The following CCN4 variants were observed in gnomAD, a reference collection of about 807,000 sequenced individuals.
CCN4 encodes the protein cellular communication network factor 4.
In CCN4, 30 loss-of-function variants were observed where a neutral mutation model predicts 36.7. The observed-to-expected ratio is 0.82, with a 90% CI of 0.61 to 1.11. CCN4 has a LOEUF of 1.11. CCN4 is among the 50% of genes least tolerant of loss of function. CCN4 has a pLI of 0.00. For missense variants in CCN4, 505 were observed against 504.9 expected (o/e 1.00, Z 0.00); for synonymous variants, 191 against 195.4 (o/e 0.98, Z 0.19).
In CCN4 at chr8:133,225,510, A is replaced by T. The variant is rs1453007212; in HGVS notation, c.731A>T (p.Gln244Leu). ...ACTCGGATCTCCAATGTTAACGCCC[A>T]GTGCTGGCCTGAGCAAGAGAGCCGC... ...VSTRISNVNA[Q>L]CWPEQESRLC... is the part of the protein sequence containing the mutation. Residue 244 changes from glutamine (Q) to leucine (L), a missense_variant, in exon 4 of 5, where the codon CAG becomes CTG. Physicochemically the swap from Gln to Leu is moderately radical, Grantham distance 113. Transcript: ENST00000250160. 1.9e-6 allele frequency: 3 copies of T among 1,614,042 alleles called. No homozygotes were observed. In the Admixed American group the frequency reaches 5.0e-5, roughly 27 times the overall value.
intron 1 of CCN4, among the ~76,000 whole-genome samples, chr8:133,194,595 GGTGT>G (rs1344532569): frequency 1.6e-5 from 2 of 123,920 alleles, no homozygotes; most frequent in African/African-American, 3.1e-5. Context: ...GGGTGTGTGG[GGTGT>G]GTGTGTGTGG....
chr8:133,198,825 C>T (rs368809586), intron 1 of CCN4, among the ~76,000 whole-genome samples: 33 of 152,314 alleles, frequency 2.2e-4, no homozygotes, highest in African/African-American at 7.2e-4. Context: ...AGCCCTTTGT[C>T]GCTTCCTGAC....
At chr8:133,213,288 G>A in intron 2 of CCN4, 145 bp downstream of exon 2, 1 of 1,041,520 alleles carries the variant, frequency 9.6e-7, no homozygotes. Context: ...AGAGGCCAGA[G>A]GCTGGGTCCT....
intron 3 of CCN4, among the ~76,000 whole-genome samples, chr8:133,223,883 C>T (rs1854624740): frequency 6.6e-6 from 1 of 152,136 alleles, no homozygotes. Flanking sequence ...TTCCGTTTTT[C>T]AGATAGTTAG....
At position 133,222,001 on chromosome 8, in the gene CCN4, G is replaced by A. The variant is rs1342843701; in HGVS notation, c.610+1160G>A. On this transcript the variant is annotated intron_variant, in intron 3 of 4. Coordinates refer to ENST00000250160, the MANE Select transcript of CCN4 (RefSeq NM_003882.4). ...GGATGGATGAATGGATGGATGGATG[G>A]ATGAATGGATGAACTGAATGGATGG... 2.0e-5 allele frequency among the ~76,000 whole-genome samples: 3 copies of A among 151,880 alleles called. 1 individual carries two copies. Among genetic ancestry groups the A allele is most frequent in the Non-Finnish European group, 4.4e-5 (3 of 67,940 alleles).
chr8:133,197,637 G>C (rs565676038), intron 1 of CCN4, among the ~76,000 whole-genome samples: 1 of 152,154 alleles, frequency 6.6e-6, no homozygotes, highest in African/African-American at 2.4e-5. Context: ...AAATGTGAAC[G>C]ATGGGCATTC....
At chr8:133,213,314 G>A (rs904269515) in intron 2 of CCN4, among the ~76,000 whole-genome samples, 171 bp downstream of exon 2, 4 of 151,768 alleles carry the variant, frequency 2.6e-5, no homozygotes, top group Admixed American at 2.0e-4. Flanking sequence ...GGAAGGGGAG[G>A]CAAGGATGCC....
At position 133,210,348 on chromosome 8, in the gene CCN4, C is replaced by T. The variant is rs184751621; in HGVS notation, c.70-2516C>T. The stretch of plus-strand genomic sequence containing the variant: ...GCTCTGAGGCTTCTAGAATCATGGC[C>T]TAACAAGGAAATGTCTCTCCCCAAA... On this transcript the variant is annotated intron_variant, in intron 1 of 4. Transcript: ENST00000250160. Among the ~76,000 whole-genome samples, 276 of 151,554 alleles carry T rather than the reference C, an allele frequency of 1.8e-3. 3 individuals are homozygous for T. Among genetic ancestry groups the T allele is most frequent in the Non-Finnish European group, 3.3e-3 (223 of 67,960 alleles).
intron 3 of CCN4, among the ~76,000 whole-genome samples, chr8:133,224,469 A>T (rs1228448620): frequency 6.6e-6 from 1 of 151,396 alleles, no homozygotes; most frequent in Admixed American, 6.6e-5. Flanking sequence ...CAAACTCCTG[A>T]CCTCAAGTGA....
chr8:133,205,733 G>A (rs1019251543), intron 1 of CCN4, among the ~76,000 whole-genome samples: 2 of 152,144 alleles, frequency 1.3e-5, no homozygotes, highest in African/African-American at 4.8e-5. Context: ...GCATCCTGGG[G>A]TTTGAGGATG....
In CCN4 at chr8:133,228,821, A is replaced by G. The variant is rs1159687414; in HGVS notation, c.*1111A>G. ...CCCGTGTTCAGGACACATCTATTGC[A>G]GAGACTCATTTCACAGCCTTTCGTT... On this transcript the variant is annotated 3_prime_UTR_variant, in exon 5 of 5. Transcript: ENST00000250160. 4 of 152,166 alleles carry G rather than the reference A, an allele frequency of 2.6e-5. No individual in the cohort carries two copies. The highest frequency in any genetic ancestry group is 5.9e-5 in the Non-Finnish European group (4 of 68,040). 9.4% of individuals were successfully genotyped at this position (152,166 alleles called of 1,614,324 possible).
intron 1 of CCN4, among the ~76,000 whole-genome samples, chr8:133,200,211 T>C (rs1232728960): frequency 6.6e-6 from 1 of 152,182 alleles, no homozygotes; most frequent in Non-Finnish European, 1.5e-5. Context: ...TTGCCAGATG[T>C]GGAAGGCCCA....
At chr8:133,207,891 A>C (rs1452899079) in intron 1 of CCN4, among the ~76,000 whole-genome samples, 2 of 152,138 alleles carry the variant, frequency 1.3e-5, no homozygotes, top group African/African-American at 2.4e-5. Flanking sequence ...ACTATGTGTC[A>C]GGCTTTGTGA....
intron 3 of CCN4, among the ~76,000 whole-genome samples, chr8:133,221,973 G>C (rs1014675256): frequency 6.6e-6 from 1 of 151,768 alleles, no homozygotes; most frequent in African/African-American, 2.4e-5. Context: ...CGAGGGGACA[G>C]ATGGATGGAT....
intron 4 of CCN4, among the ~76,000 whole-genome samples, chr8:133,226,281 T>C (rs1437484903): frequency 6.6e-6 from 1 of 152,202 alleles, no homozygotes; most frequent in African/African-American, 2.4e-5. Flanking sequence ...AGTTATTCCA[T>C]TTTTGGAATG....
chr8:133,204,807 C>T (rs962449451), intron 1 of CCN4, among the ~76,000 whole-genome samples: 1 of 152,232 alleles, frequency 6.6e-6, no homozygotes, highest in Non-Finnish European at 1.5e-5. Flanking sequence ...CCACCTGCCT[C>T]AGCCTCCCAA....
chr8:133,199,429 ATGGATGTAAATGCCCG>A (rs1383162519), intron 1 of CCN4, among the ~76,000 whole-genome samples: 1 of 152,150 alleles, frequency 6.6e-6, no homozygotes, highest in Non-Finnish European at 1.5e-5. Flanking sequence ...CATCTGTAAA[ATGGATGTAAATGCCCG>A]TGTCACAGAG....
At chr8:133,211,950 C>T (rs1588193793) in intron 1 of CCN4, among the ~76,000 whole-genome samples, 1 of 152,362 alleles carries the variant, frequency 6.6e-6, no homozygotes, top group Admixed American at 6.5e-5. Context: ...GAGATACAGG[C>T]AGCTTGAAGC....
rs768878402 is a variant in CCN4, at chr8:133,191,101, C to T, written c.-44C>T. ...CAGCTCCCCCGAGAGGTGGTCGGAT[C>T]CTCTGGGCTGCTCGGTCGATGCCTG... On this transcript the variant is annotated 5_prime_UTR_variant, in exon 1 of 5. Coordinates refer to ENST00000250160, the MANE Select transcript of CCN4 (RefSeq NM_003882.4). 6.2e-7 allele frequency: 1 copy of T among 1,600,482 alleles called. No homozygotes were observed. The highest frequency in any genetic ancestry group is 1.1e-5 in the South Asian group (1 of 90,676).
Sources: gnomAD v4.1 joint callset for allele counts (sites outside exome capture counted in the v4.1 genomes callset) on GRCh38, gnomAD v4.1.1 for gene constraint, MANE v1.5 for transcripts, NCBI Gene and HGNC (gene_info 2026-07-23, HGNC 2026-07-21) for gene names.